TARS2: variants seen among roughly 807,000 people sequenced by gnomAD.
TARS2 encodes the protein threonine--tRNA ligase, mitochondrial.
TARS2 carries 61 observed loss-of-function variants against 94.4 expected under a neutral mutation model. The observed-to-expected ratio is 0.65, with a 90% CI of 0.53 to 0.80. The LOEUF is 0.80. TARS2 is among the 30% of genes least tolerant of loss of function. The pLI, the probability that TARS2 is intolerant of heterozygous loss-of-function variation, is 0.00. For missense variants in TARS2, 704 were observed against 902.5 expected (o/e 0.78, Z 2.82); for synonymous variants, 359 against 353.4 (o/e 1.02, Z -0.18).
chr1:150,504,663 A>G lies in TARS2; in HGVS notation c.1750A>G (p.Ile584Val), dbSNP rs1189602046. The G allele has an allele frequency of 6.2e-7, 1 of 1,613,656 alleles. No homozygotes were observed. The highest frequency in any genetic ancestry group is 1.3e-5 in the African/African-American group (1 of 74,800). ...QAGALERPVL[I>V]HRAVLGSVER... ...GGGTGCCCTGGAGCGTCCAGTCCTC[A>G]TTCACCGAGCAGTGCTCGGTTCTGT... Residue 584 changes from isoleucine (I) to valine (V), a missense_variant, in exon 15 of 18, where the codon ATT becomes GTT. Ile to Val is a conservative substitution (Grantham distance 29). Around this residue, in one of 3 missense-constraint regions of TARS2, gnomAD observed 466 missense variants for 609.5 expected, o/e 0.76. Coordinates refer to ENST00000369064, the MANE Select transcript of TARS2 (RefSeq NM_025150.5).
rs143116631 is a variant in TARS2, at chr1:150,505,971, AG to A, written c.2008+269del. Reference sequence around the variant, plus strand: ...TGGTGTCTGTTAGGTTAATTAACCAAGGGAGCATCAGAGAGAAAGGGACGGG... The same window carrying A: ...TGGTGTCTGTTAGGTTAATTAACCAAGGAGCATCAGAGAGAAAGGGACGGG... On this transcript the variant is annotated intron_variant, in intron 17 of 17. Coordinates refer to ENST00000369064, the MANE Select transcript of TARS2 (RefSeq NM_025150.5). Among the ~76,000 whole-genome samples the A allele has an allele frequency of 3.2e-3, 489 of 152,316 alleles. 2 individuals carry two copies. The highest frequency in any genetic ancestry group is 0.011 in the African/African-American group (462 of 41,560).
At chr1:150,492,288 T>C in intron 6 of TARS2, 123 bp from the exon 7 acceptor site, 5 of 1,001,686 alleles carry the variant, frequency 5.0e-6, no homozygotes, top group Non-Finnish European at 7.6e-6. Flanking sequence ...TATCTGCCAT[T>C]GCCCTCTCTC....
At chr1:150,489,153 T>C in intron 3 of TARS2, 66 bp downstream of exon 3, 1 of 1,609,246 alleles carries the variant, frequency 6.2e-7, no homozygotes, top group Non-Finnish European at 8.5e-7. Context: ...CAGGAAATTC[T>C]AACATTTTAT....
chr1:150,502,615 C>T (rs1210019540), intron 13 of TARS2, among the ~76,000 whole-genome samples: 1 of 152,130 alleles, frequency 6.6e-6, no homozygotes, highest in Non-Finnish European at 1.5e-5. Flanking sequence ...TCTCGAACTC[C>T]TGACCTCAGG....
In TARS2 at chr1:150,497,801, G is replaced by A. The variant is rs1669734005; in HGVS notation, c.1238+54G>A. On this transcript the variant is annotated intron_variant, in intron 10 of 17. Transcript: ENST00000369064. The stretch of plus-strand genomic sequence containing the variant: ...GTTGCTAAATATTAAATAATAGAAA[G>A]CACCTTGGGGCCGGGCACGGTGGCT... 2.6e-6 allele frequency: 4 copies of A among 1,544,438 alleles called. No individual in the cohort carries two copies. In the Admixed American group the frequency reaches 7.6e-5, roughly 29 times the overall value.
intron 7 of TARS2, among the ~76,000 whole-genome samples, chr1:150,494,801 G>C (rs1254529814): frequency 6.6e-6 from 1 of 152,200 alleles, no homozygotes; most frequent in African/African-American, 2.4e-5. Flanking sequence ...ACTTTGGGAG[G>C]CTGAGGCGAG....
intron 9 of TARS2, among the ~76,000 whole-genome samples, chr1:150,497,177 G>A (rs1669700450): frequency 2.0e-5 from 3 of 152,010 alleles, no homozygotes; most frequent in African/African-American, 7.3e-5. Context: ...CCCAGCTACT[G>A]GGGAGGCTGA....
intron 2 of TARS2, chr1:150,488,594 G>A (rs1669250904): frequency 5.0e-6 from 1 of 199,020 alleles, no homozygotes; most frequent in African/African-American, 2.4e-5. Flanking sequence ...CATACAATAT[G>A]TAATGATCAA....
At chr1:150,491,864 G>A (rs757214901) in intron 6 of TARS2, 28 of 541,794 alleles carry the variant, frequency 5.2e-5, no homozygotes, top group Non-Finnish European at 7.2e-5. Flanking sequence ...GCACGATCTC[G>A]GCTCACTGCA....
intron 3 of TARS2, 168 bp downstream of exon 3, chr1:150,489,255 T>C (rs745576406): frequency 1.0e-6 from 1 of 985,694 alleles, no homozygotes; most frequent in South Asian, 1.4e-5. Context: ...ATGGTGAAAG[T>C]TTTTAACTTA....
chr1:150,498,452 C>G (rs587773836), intron 10 of TARS2, 50 bp from the exon 11 acceptor site: 1 of 1,510,666 alleles, frequency 6.6e-7, no homozygotes, highest in South Asian at 1.4e-5. Context: ...GAGCAGTCTT[C>G]GGGGGCTAGT....
rs1669439205 is a variant in TARS2, at chr1:150,492,463, C to G, written c.748C>G (p.Gln250Glu). ...CQGPHLRHTGQIGGLKLLSNS... is the reference protein window; with the variant it reads ...CQGPHLRHTGEIGGLKLLSNS... ...GGGCCCCCACCTTCGGCATACTGGACAGATTGGAGGACTGAAGCTGCTATC... is the reference window on the plus strand; with the variant it reads ...GGGCCCCCACCTTCGGCATACTGGAGAGATTGGAGGACTGAAGCTGCTATC... Residue 250 changes from glutamine (Q) to glutamate (E), a missense_variant, in exon 7 of 18, where the codon CAG (glutamine) becomes GAG (glutamate). Coordinates refer to ENST00000369064, the MANE Select transcript of TARS2 (RefSeq NM_025150.5). The G allele has an allele frequency of 1.2e-6, 2 of 1,613,872 alleles. No homozygotes were observed. The highest frequency in any genetic ancestry group is 8.5e-7 in the Non-Finnish European group (1 of 1,179,942).
rs377553660 is a variant in TARS2 at position 150,499,262 on chromosome 1, A to C, written c.1586A>C (p.Asn529Thr). 1 of 1,614,032 alleles carries C rather than the reference A, an allele frequency of 6.2e-7. No homozygotes were observed. Among genetic ancestry groups the C allele is most frequent in the Non-Finnish European group, 8.5e-7 (1 of 1,179,998 alleles). Residue 529 changes from asparagine to threonine, a missense_variant, in exon 13 of 18, where the codon AAC becomes ACC. Physicochemically the swap from Asn to Thr is moderately conservative, Grantham distance 65. Transcript: ENST00000369064. Reference protein sequence around the residue: ...LKEFGEPWDLNSGDGAFYGPK... With the variant: ...LKEFGEPWDLTSGDGAFYGPK... ...GAATTTGGAGAACCCTGGGACCTCA[A>C]CTCTGGAGATGGTGCCTTCTATGGA...
chr1:150,489,282 C>CAA (rs780104192), intron 3 of TARS2, 195 bp downstream of exon 3: 3 of 733,092 alleles, frequency 4.1e-6, no homozygotes, highest in Non-Finnish European at 6.8e-6. Context: ...ATCTATTAAG[C>CAA]AAACATTTGT....
chr1:150,498,491 C>T lies in TARS2; in HGVS notation c.1239-11C>T. On this transcript the variant is annotated splice_polypyrimidine_tract_variant and intron_variant, in intron 10 of 17. Transcript: ENST00000369064. ...CCCTATGGCCCTGACCCCTCTGCACCCCAACCTCAGCCTGATGTTCGCCCA... is the reference window on the plus strand; with the variant it reads ...CCCTATGGCCCTGACCCCTCTGCACTCCAACCTCAGCCTGATGTTCGCCCA... 6.4e-7 allele frequency: 1 copy of T among 1,564,070 alleles called. No individual in the cohort carries two copies. Among genetic ancestry groups the T allele is most frequent in the Non-Finnish European group, 8.6e-7 (1 of 1,160,300 alleles).
In TARS2 at chr1:150,498,823, GT is replaced by G; in HGVS notation, c.1402-70del. ...CGCTTCCTCTCTGTTTTTGCCCTTT[GT>G]TTTCCTCAAACTGCCAGCATCCCTG... On this transcript the variant is annotated intron_variant, in intron 11 of 17. Transcript: ENST00000369064. 1.9e-6 allele frequency: 3 copies of G among 1,610,100 alleles called. No homozygotes were observed. In the Admixed American group the frequency reaches 5.1e-5, roughly 27 times the overall value.
At chr1:150,488,277 C>G (rs1431863467) in intron 2 of TARS2, 2 of 485,398 alleles carry the variant, frequency 4.1e-6, no homozygotes, top group Non-Finnish European at 7.2e-6. Context: ...TCAAGCGATC[C>G]TTCCATCTCA....
intron 10 of TARS2, 147 bp from the exon 11 acceptor site, chr1:150,498,355 T>C: frequency 1.1e-6 from 1 of 934,230 alleles, no homozygotes; most frequent in Non-Finnish European, 1.5e-6. Context: ...TGAGTGGGAT[T>C]GACAGGACTC....
intron 7 of TARS2, among the ~76,000 whole-genome samples, chr1:150,493,513 G>A (rs1669498247): frequency 1.3e-5 from 2 of 152,080 alleles, no homozygotes; most frequent in South Asian, 4.1e-4. Context: ...CAGCACTTTG[G>A]GAAGCCGAGG....
Sources: allele counts gnomAD v4.1 joint callset (sites outside exome capture counted in the v4.1 genomes callset), GRCh38; gene constraint gnomAD v4.1.1; regional missense constraint gnomAD v4.1.1; transcripts MANE v1.5; gene names NCBI Gene and HGNC (gene_info 2026-07-23, HGNC 2026-07-21).